CORIN: variants seen among roughly 807,000 people sequenced by gnomAD.
CORIN encodes atrial natriuretic peptide-converting enzyme.
In CORIN, 117 loss-of-function variants were observed where a neutral mutation model predicts 125.3. The observed-to-expected ratio is 0.93, with a 90% CI of 0.80 to 1.09. CORIN has a LOEUF of 1.09. CORIN is among the 50% of genes least tolerant of loss of function. The pLI, the probability that CORIN is intolerant of heterozygous loss-of-function variation, is 0.00. For missense variants in CORIN, 1,253 were observed against 1,306.7 expected (o/e 0.96, Z 0.63); for synonymous variants, 450 against 466.4 (o/e 0.96, Z 0.45).
At chr4:47,683,613 A>C (rs761289514) in intron 7 of CORIN, 118 bp downstream of exon 7, 6 of 698,506 alleles carry the variant, frequency 8.6e-6, no homozygotes, top group Non-Finnish European at 1.4e-5. Flanking sequence ...AAAAACAAGA[A>C]ACCAATCATT....
At chr4:47,749,946 A>G (rs1728826971) in intron 4 of CORIN, among the ~76,000 whole-genome samples, 1 of 152,192 alleles carries the variant, frequency 6.6e-6, no homozygotes, top group Non-Finnish European at 1.5e-5. Context: ...CTTTTGCATT[A>G]TGAGGAAATT....
rs1187489492 is a variant in CORIN, at chr4:47,683,850, A to T, written c.914-12T>A. 1.9e-6 allele frequency: 3 copies of T among 1,588,698 alleles called. No individual in the cohort carries two copies. The highest frequency in any genetic ancestry group is 2.6e-6 in the Non-Finnish European group (3 of 1,161,400). On this transcript the variant is annotated splice_polypyrimidine_tract_variant and intron_variant, in intron 6 of 21. Transcript: ENST00000273857. ...ATTCTCGCTGCAGTCTGCAAATAAA[A>T]GAAGCCACCAGTGTGTCATCAGAGC...
At chr4:47,653,904 T>C (rs1723847733) in intron 12 of CORIN, among the ~76,000 whole-genome samples, 1 of 152,262 alleles carries the variant, frequency 6.6e-6, no homozygotes, top group Admixed American at 6.5e-5. Flanking sequence ...ATTAATTTTC[T>C]TTCCAAATGG....
chr4:47,767,726 A>C (rs1221489583), intron 3 of CORIN, among the ~76,000 whole-genome samples: 1 of 152,200 alleles, frequency 6.6e-6, no homozygotes, highest in African/African-American at 2.4e-5. Context: ...AGAAAAAGAA[A>C]ACTCAGAAGA....
intron 5 of CORIN, among the ~76,000 whole-genome samples, chr4:47,740,852 A>G (rs1728361836): frequency 6.6e-6 from 1 of 151,998 alleles, no homozygotes; most frequent in Non-Finnish European, 1.5e-5. Flanking sequence ...ATTCAGTGGG[A>G]AAGAATAGCT....
At chr4:47,780,935 G>A (rs1257897211) in intron 3 of CORIN, among the ~76,000 whole-genome samples, 1 of 146,972 alleles carries the variant, frequency 6.8e-6, no homozygotes. Context: ...ATATGACAAA[G>A]GAAATGAAAA....
At chr4:47,837,582 G>C (rs1216309346) in intron 1 of CORIN, 3 of 513,682 alleles carry the variant, frequency 5.8e-6, no homozygotes, top group African/African-American at 3.9e-5. Context: ...CATCACCCCC[G>C]GCATGGAGAC....
At position 47,595,853 on chromosome 4, in the gene CORIN, T is replaced by A; in HGVS notation, c.2997A>T (p.Thr999=). Residue 999 remains threonine, a synonymous_variant, in exon 22 of 22, where the codon ACA becomes ACT. Coordinates refer to ENST00000273857, the MANE Select transcript of CORIN (RefSeq NM_006587.4). ...AGCCCCATGAAGTTAATCCAAATAATGTCCACCGTCCTCCAGGCTTCTCAC... is the reference window on the plus strand; with the variant it reads ...AGCCCCATGAAGTTAATCCAAATAAAGTCCACCGTCCTCCAGGCTTCTCAC... ...LVCEKPGGRW[T]LFGLTSWGSV... The A allele has an allele frequency of 6.2e-7, 1 of 1,613,796 alleles. No homozygotes were observed. The highest frequency in any genetic ancestry group is 8.5e-7 in the Non-Finnish European group (1 of 1,179,832).
intron 5 of CORIN, chr4:47,706,564 T>C (rs1402664887): frequency 6.2e-7 from 1 of 1,609,322 alleles, no homozygotes; most frequent in Non-Finnish European, 8.5e-7. Flanking sequence ...ACATAGGATT[T>C]GTGTTAGCCG....
At chr4:47,816,011 T>G (rs17601719) in intron 1 of CORIN, among the ~76,000 whole-genome samples, 24,392 of 152,154 alleles carry the variant, frequency 0.16, 2,178 homozygotes, top group East Asian at 0.33. Flanking sequence ...TTTTAAAAAT[T>G]GAAACAGATT....
intron 14 of CORIN, among the ~76,000 whole-genome samples, chr4:47,644,158 C>T (rs1262485023): frequency 2.6e-5 from 4 of 152,204 alleles, no homozygotes; most frequent in African/African-American, 9.7e-5. Context: ...CTCCTGACGG[C>T]TAGCTGTGAC....
intron 7 of CORIN, chr4:47,680,780 C>G (rs1376558121): frequency 6.5e-6 from 1 of 154,142 alleles, no homozygotes; most frequent in Non-Finnish European, 1.4e-5. Flanking sequence ...GAGACAAGGT[C>G]TCTCTCTTTC....
intron 7 of CORIN, chr4:47,680,988 G>A (rs17463016): frequency 0.46 from 69,115 of 151,710 alleles, 17,677 homozygotes; most frequent in Non-Finnish European, 0.59. Flanking sequence ...TTTTAGCCTG[G>A]ACTTCAACTT....
At chr4:47,826,251 G>A (rs1325950077) in intron 1 of CORIN, among the ~76,000 whole-genome samples, 2 of 152,228 alleles carry the variant, frequency 1.3e-5, no homozygotes, top group Admixed American at 6.5e-5. Context: ...AGACTCTGCA[G>A]CCAGGGCAAC....
chr4:47,645,235 T>C, intron 13 of CORIN, 41 bp from the exon 14 acceptor site: 1 of 1,168,686 alleles, frequency 8.6e-7, no homozygotes, highest in Non-Finnish European at 1.3e-6. Context: ...AGACGTGGAA[T>C]TGAAAATAAT....
At position 47,595,260 on chromosome 4, in the gene CORIN, A is replaced by G. The variant is rs1469268400; in HGVS notation, c.*461T>C. The G allele has an allele frequency of 2.0e-5, 3 of 152,410 alleles. No individual in the cohort carries two copies. Among genetic ancestry groups the G allele is most frequent in the Non-Finnish European group, 4.4e-5 (3 of 68,184 alleles). 9.4% of individuals were successfully genotyped at this position (152,410 alleles called of 1,614,324 possible). The stretch of plus-strand genomic sequence containing the variant: ...TTGTGGGGTATAAAAAAAGAAAAAG[A>G]AAAGCAAGTCTCCAATGTTAACACT... On this transcript the variant is annotated 3_prime_UTR_variant, in exon 22 of 22. Transcript: ENST00000273857.
chr4:47,670,795 T>C (rs1724716678), intron 10 of CORIN, among the ~76,000 whole-genome samples: 1 of 152,092 alleles, frequency 6.6e-6, no homozygotes, highest in Non-Finnish European at 1.5e-5. Context: ...ATGAGGAGAA[T>C]AGCATTCCTG....
chr4:47,753,308 A>G (rs1728991687), intron 4 of CORIN, among the ~76,000 whole-genome samples: 1 of 152,224 alleles, frequency 6.6e-6, no homozygotes, highest in Non-Finnish European at 1.5e-5. Flanking sequence ...TAAAGGGCAA[A>G]ATTAGAATTA....
At chr4:47,604,597 G>C (rs563843083) in intron 19 of CORIN, among the ~76,000 whole-genome samples, 58 of 152,298 alleles carry the variant, frequency 3.8e-4, no homozygotes, top group Middle Eastern at 3.4e-3. Flanking sequence ...ATCAACCCAG[G>C]TGAATCTTCT....
Sources: gnomAD v4.1 joint callset for allele counts (sites outside exome capture counted in the v4.1 genomes callset) on GRCh38, gnomAD v4.1.1 for gene constraint, MANE v1.5 for transcripts, NCBI Gene and HGNC (gene_info 2026-07-23, HGNC 2026-07-21) for gene names.